LINGO2: variants seen among roughly 807,000 people sequenced by gnomAD.
LINGO2 encodes the protein leucine rich repeat and Ig domain containing 2.
LINGO2 carries 14 observed loss-of-function variants against 30.6 expected under a neutral mutation model. The ratio of observed to expected loss-of-function variants is 0.46; its 90% CI spans 0.30 to 0.72. The LOEUF (loss-of-function observed/expected upper bound fraction) is 0.72, where lower values mean the gene tolerates loss of function less well. Among genes scored for constraint, LINGO2 ranks in the 30% least tolerant of loss-of-function variants. The pLI is 0.07. For missense variants in LINGO2, 729 were observed against 751.7 expected (o/e 0.97, Z 0.35); for synonymous variants, 317 against 288.5 (o/e 1.10, Z -1.00).
intron 4 of LINGO2, among the ~76,000 whole-genome samples, chr9:28,208,901 A>G (rs1192588575): frequency 1.3e-5 from 2 of 151,654 alleles, no homozygotes; most frequent in Admixed American, 6.6e-5. Context: ...TCTGCTTTCC[A>G]TTTCCCATCA....
At chr9:28,766,192 A>G in the LINGO2 span, among the ~76,000 whole-genome samples, 1 of 152,036 alleles carries the variant, frequency 6.6e-6, no homozygotes, top group African/African-American at 2.4e-5. Flanking sequence ...TGCAAACCAT[A>G]TATCTGATAA....
chr9:28,319,081 A>G (rs1824944631), intron 3 of LINGO2, among the ~76,000 whole-genome samples: 1 of 152,228 alleles, frequency 6.6e-6, no homozygotes, highest in Non-Finnish European at 1.5e-5. Context: ...TGCATTTATT[A>G]GAAATAATTA....
intron 4 of LINGO2, among the ~76,000 whole-genome samples, chr9:28,294,865 C>T (rs979200937): frequency 4.6e-5 from 7 of 152,106 alleles, no homozygotes; most frequent in Non-Finnish European, 7.4e-5. Flanking sequence ...AAATACTTAA[C>T]GGCAACACTT....
At chr9:29,131,970 C>T in the LINGO2 span, among the ~76,000 whole-genome samples, 1 of 151,442 alleles carries the variant, frequency 6.6e-6, no homozygotes, top group African/African-American at 2.4e-5. Context: ...TATTCATTTC[C>T]TCTTGCCTAG....
chr9:28,414,496 A>G (rs1052927370), intron 2 of LINGO2, among the ~76,000 whole-genome samples: 1 of 152,132 alleles, frequency 6.6e-6, no homozygotes, highest in Admixed American at 6.6e-5. Context: ...TTTGCCAATC[A>G]TTTTCTAAAT....
At chr9:28,835,360 C>A in the LINGO2 span, among the ~76,000 whole-genome samples, 1 of 152,080 alleles carries the variant, frequency 6.6e-6, no homozygotes, top group East Asian at 1.9e-4. Flanking sequence ...AAAATGGTAA[C>A]GTATTGTCTT....
intron 5 of LINGO2, among the ~76,000 whole-genome samples, chr9:27,962,015 C>A (rs765077223): frequency 6.6e-6 from 1 of 152,026 alleles, no homozygotes; most frequent in African/African-American, 2.4e-5. Context: ...GTGTGGGGTG[C>A]CTGGGCAGAT....
intron 3 of LINGO2, among the ~76,000 whole-genome samples, chr9:28,302,065 A>T (rs980866111): frequency 3.3e-5 from 5 of 152,190 alleles, no homozygotes; most frequent in Non-Finnish European, 5.9e-5. Context: ...CTTATAAGAT[A>T]TCTTGAAAGG....
intron 3 of LINGO2, among the ~76,000 whole-genome samples, chr9:28,338,200 GT>G (rs1035257774): frequency 1.6e-4 from 24 of 152,304 alleles, no homozygotes; most frequent in African/African-American, 5.1e-4. Context: ...AGTCAAAGGA[GT>G]TTAGTTTTGA....
chr9:28,811,116 C>G, the LINGO2 span, among the ~76,000 whole-genome samples: 1 of 152,166 alleles, frequency 6.6e-6, no homozygotes, highest in Admixed American at 6.6e-5. Context: ...CTGTATCAGT[C>G]TTCCTCATTT....
chr9:28,051,675 C>G (rs1824681090), intron 4 of LINGO2, among the ~76,000 whole-genome samples: 1 of 152,036 alleles, frequency 6.6e-6, no homozygotes, highest in Non-Finnish European at 1.5e-5. Flanking sequence ...TAGGATTAAG[C>G]TAGATTCCAA....
At chr9:29,057,871 G>GA in the LINGO2 span, among the ~76,000 whole-genome samples, 1 of 152,078 alleles carries the variant, frequency 6.6e-6, no homozygotes, top group Non-Finnish European at 1.5e-5. Flanking sequence ...GCATTCGGTA[G>GA]AAAACCTAGA....
chr9:28,097,300 A>G (rs1411361534), intron 4 of LINGO2, among the ~76,000 whole-genome samples: 1 of 152,016 alleles, frequency 6.6e-6, no homozygotes, highest in Non-Finnish European at 1.5e-5. Context: ...ATCTAGAACT[A>G]GAAATACCAT....
intron 4 of LINGO2, among the ~76,000 whole-genome samples, chr9:28,290,688 G>C (rs1372005799): frequency 6.6e-6 from 1 of 152,174 alleles, no homozygotes; most frequent in Non-Finnish European, 1.5e-5. Context: ...GCAATCATGA[G>C]GAGTGAAGGG....
At position 28,266,612 on chromosome 9, in the gene LINGO2, C is replaced by A. The variant is rs549656925; in HGVS notation, c.-87+28596G>T. Among the ~76,000 whole-genome samples, 268 of 152,096 alleles carry A rather than the reference C, an allele frequency of 1.8e-3. 2 individuals carry two copies. Among genetic ancestry groups the A allele is most frequent in the African/African-American group, 6.3e-3 (262 of 41,542 alleles). On this transcript the variant is annotated intron_variant, in intron 4 of 5. Coordinates refer to ENST00000379992, the Ensembl canonical transcript of LINGO2. ...TTCTCTTTGGTTATCTCTTTGGTTA[C>A]CTGTGGATTATCTCATTTTTTTCCT... is the stretch of plus-strand genomic sequence containing the variant.
intron 2 of LINGO2, among the ~76,000 whole-genome samples, chr9:28,465,628 A>C (rs1825270346): frequency 6.6e-6 from 1 of 152,190 alleles, no homozygotes; most frequent in African/African-American, 2.4e-5. Flanking sequence ...ATCAAGTTAA[A>C]AAGCTTCTGC....
At chr9:28,703,741 T>C in the LINGO2 span, among the ~76,000 whole-genome samples, 2 of 151,924 alleles carry the variant, frequency 1.3e-5, no homozygotes, top group African/African-American at 4.8e-5. Flanking sequence ...TTTTAACTCT[T>C]TCAGTTGTTG....
At chr9:28,229,350 T>C (rs1241097125) in intron 4 of LINGO2, among the ~76,000 whole-genome samples, 2 of 151,614 alleles carry the variant, frequency 1.3e-5, no homozygotes, top group African/African-American at 4.8e-5. Flanking sequence ...ATATAGACAA[T>C]TAATAAAAGT....
the LINGO2 span, among the ~76,000 whole-genome samples, chr9:29,035,771 C>G: frequency 2.5e-4 from 38 of 151,910 alleles, no homozygotes; most frequent in East Asian, 5.3e-3. Flanking sequence ...ATTGAGCTAT[C>G]GTAAAATAAT....
Sources: allele counts gnomAD v4.1 joint callset (sites outside exome capture counted in the v4.1 genomes callset), GRCh38; gene constraint gnomAD v4.1.1; transcripts MANE v1.5; gene names NCBI Gene and HGNC (gene_info 2026-07-23, HGNC 2026-07-21).